RBFOX1: variants seen among roughly 807,000 people sequenced by gnomAD.
RBFOX1 encodes RNA binding protein fox-1 homolog 1.
Under a neutral mutation model 57.7 loss-of-function variants are expected in RBFOX1, and 8 were observed. The ratio of observed to expected loss-of-function variants is 0.14; its 90% CI spans 0.08 to 0.25. The LOEUF is 0.25. Ranked by LOEUF, RBFOX1 falls within the 10% of genes least tolerant of loss-of-function variation. The pLI is 1.00. For synonymous variants in RBFOX1, 326 were observed against 222.4 expected (o/e 1.47, Z -4.15); for missense variants, 611 against 548.5 (o/e 1.11, Z -1.14).
At position 7,311,071 on chromosome 16, in the gene RBFOX1, T is replaced by C. The variant is rs143769986; in HGVS notation, c.28-207076T>C. On this transcript the variant is annotated intron_variant, in intron 4 of 15. Coordinates refer to ENST00000550418, the MANE Select transcript of RBFOX1 (RefSeq NM_018723.4). ...GGCAAGGCTAGAGTTAAGTTCTTTGTGATGCTTTTTTTTCCATCTGCCAGA... is the reference window on the plus strand; with the variant it reads ...GGCAAGGCTAGAGTTAAGTTCTTTGCGATGCTTTTTTTTCCATCTGCCAGA... 4.4e-4 allele frequency among the ~76,000 whole-genome samples: 67 copies of C among 152,298 alleles called. 1 individual carries two copies. The East Asian group carries it at 0.012, about 28-fold the overall frequency.
intron 4 of RBFOX1, among the ~76,000 whole-genome samples, chr16:7,380,853 C>A (rs1026778040): frequency 4.6e-5 from 7 of 152,158 alleles, no homozygotes; most frequent in Admixed American, 1.3e-4. Flanking sequence ...CTCTTGCTAA[C>A]CTTCTTTTCC....
At chr16:6,349,132 C>G (rs780662638) in intron 2 of RBFOX1, among the ~76,000 whole-genome samples, 42 of 152,248 alleles carry the variant, frequency 2.8e-4, no homozygotes, top group Non-Finnish European at 4.7e-4. Context: ...TAACCTCTGT[C>G]TCTCTGAGGT....
At chr16:5,861,855 G>T (rs1264729659) in intron 3 of RBFOX1, among the ~76,000 whole-genome samples, 1 of 152,148 alleles carries the variant, frequency 6.6e-6, no homozygotes, top group Non-Finnish European at 1.5e-5. Flanking sequence ...AAAACCAAAG[G>T]GGAAAGAGGT....
rs575059246 is a variant in RBFOX1, at chr16:6,658,768, G to T, written c.-16+4118G>T. Reference sequence around the variant, plus strand: ...ATGTTTTTCTTTCGCTTCCAAGCCCGCCAATTAGCAGAGCCCCTATGAATG... The same window carrying T: ...ATGTTTTTCTTTCGCTTCCAAGCCCTCCAATTAGCAGAGCCCCTATGAATG... On this transcript the variant is annotated intron_variant, in intron 3 of 15. Coordinates refer to ENST00000550418, the MANE Select transcript of RBFOX1 (RefSeq NM_018723.4). 1.4e-4 allele frequency among the ~76,000 whole-genome samples: 21 copies of T among 152,156 alleles called. No individual in the cohort carries two copies. The South Asian group carries it at 4.2e-3, about 30-fold the overall frequency.
chr16:7,355,448 A>T (rs1257889508), intron 4 of RBFOX1, among the ~76,000 whole-genome samples: 22 of 152,052 alleles, frequency 1.4e-4, no homozygotes, highest in Non-Finnish European at 1.5e-5. Flanking sequence ...CCTGCTAACG[A>T]TTTGGAGTGT....
intron 4 of RBFOX1, among the ~76,000 whole-genome samples, chr16:7,240,157 G>A (rs1484919141): frequency 6.6e-6 from 1 of 152,048 alleles, no homozygotes; most frequent in Non-Finnish European, 1.5e-5. Context: ...AGTAGCGAAA[G>A]GGTTTCACCA....
intron 3 of RBFOX1, among the ~76,000 whole-genome samples, chr16:7,004,560 T>G (rs2093132040): frequency 6.6e-6 from 1 of 152,224 alleles, no homozygotes; most frequent in South Asian, 2.1e-4. Flanking sequence ...GTCCTAGCTA[T>G]GTATCTAAGG....
At chr16:6,460,331 A>C (rs1567327106) in intron 2 of RBFOX1, among the ~76,000 whole-genome samples, 1 of 152,288 alleles carries the variant, frequency 6.6e-6, no homozygotes, top group African/African-American at 2.4e-5. Flanking sequence ...AGGATGAGAG[A>C]AAATTTTTGC....
At chr16:6,573,428 G>A (rs1224852976) in intron 2 of RBFOX1, among the ~76,000 whole-genome samples, 1 of 152,162 alleles carries the variant, frequency 6.6e-6, no homozygotes, top group East Asian at 1.9e-4. Flanking sequence ...TAAGAAAACT[G>A]CTGGAAAGAG....
chr16:5,420,990 C>T (rs901764744), intron 1 of RBFOX1, among the ~76,000 whole-genome samples: 14 of 146,412 alleles, frequency 9.6e-5, no homozygotes, highest in African/African-American at 3.0e-4. Context: ...TCCCTTCCTC[C>T]TCCTCCTCCT....
intron 4 of RBFOX1, among the ~76,000 whole-genome samples, chr16:7,375,084 T>C (rs568138036): frequency 6.6e-6 from 1 of 152,390 alleles, no homozygotes; most frequent in Non-Finnish European, 1.5e-5. Context: ...ACATTTTTTA[T>C]TTCTGCTATG....
At chr16:6,142,177 TTGCTGC>T (rs373445407) in intron 1 of RBFOX1, among the ~76,000 whole-genome samples, 104 of 123,496 alleles carry the variant, frequency 8.4e-4, no homozygotes, top group African/African-American at 2.5e-3. Flanking sequence ...GAGATCCTTG[TTGCTGC>T]TGCTGCAAAA....
At chr16:6,071,095 G>T (rs2095831751) in intron 1 of RBFOX1, among the ~76,000 whole-genome samples, 1 of 152,152 alleles carries the variant, frequency 6.6e-6, no homozygotes, top group East Asian at 1.9e-4. Context: ...GGCTGAGGCT[G>T]GCAGATTGCC....
chr16:7,181,264 A>G (rs1242922243), intron 4 of RBFOX1, among the ~76,000 whole-genome samples: 1 of 152,158 alleles, frequency 6.6e-6, no homozygotes, highest in African/African-American at 2.4e-5. Context: ...ATGAGAACTG[A>G]AGGAGTACCA....
At chr16:7,464,827 G>C (rs968992291) in intron 4 of RBFOX1, among the ~76,000 whole-genome samples, 1 of 150,148 alleles carries the variant, frequency 6.7e-6, no homozygotes, top group African/African-American at 2.5e-5. Flanking sequence ...CTCCCGAGTA[G>C]CTGGGACTGC....
chr16:5,281,207 C>T lies in RBFOX1; in HGVS notation c.219+41102C>T, dbSNP rs191866437. 2.6e-5 allele frequency among the ~76,000 whole-genome samples: 4 copies of T among 152,156 alleles called. No homozygotes were observed. In the East Asian group the frequency reaches 5.8e-4, roughly 22 times the overall value. On this transcript the variant is annotated intron_variant, in intron 1 of 2. Coordinates refer to the RBFOX1 transcript ENST00000585867. ...TTGATGCAATGATGATTCAATAGCA[C>T]GTTTAATGTCCATGTATTTGTACAG...
At chr16:7,094,962 C>G (rs929418332) in intron 4 of RBFOX1, among the ~76,000 whole-genome samples, 1 of 152,076 alleles carries the variant, frequency 6.6e-6, no homozygotes, top group African/African-American at 2.4e-5. Context: ...CTATTGTAAA[C>G]ATCAGTGTAA....
intron 4 of RBFOX1, among the ~76,000 whole-genome samples, chr16:5,927,381 C>T (rs966815176): frequency 6.6e-6 from 1 of 152,170 alleles, no homozygotes; most frequent in Non-Finnish European, 1.5e-5. Flanking sequence ...GCACCAATGG[C>T]TTTTAACACT....
At chr16:6,370,985 T>C (rs2090353011) in intron 2 of RBFOX1, among the ~76,000 whole-genome samples, 1 of 152,198 alleles carries the variant, frequency 6.6e-6, no homozygotes, top group Admixed American at 6.5e-5. Context: ...TTCTTTATGA[T>C]CCCAGTTGGG....
Sources: gnomAD v4.1 joint callset for allele counts (sites outside exome capture counted in the v4.1 genomes callset) on GRCh38, gnomAD v4.1.1 for gene constraint, MANE v1.5 for transcripts, NCBI Gene and HGNC (gene_info 2026-07-23, HGNC 2026-07-21) for gene names.